Variants in MSRB3 observed in about 807,000 individuals in gnomAD.
MSRB3 encodes the protein methionine-R-sulfoxide reductase B3.
MSRB3 carries 13 observed loss-of-function variants against 21.0 expected under a neutral mutation model. The observed-to-expected ratio is 0.62, with a 90% CI of 0.40 to 0.98. MSRB3 has a LOEUF of 0.98. Among genes scored for constraint, MSRB3 ranks in the 50% least tolerant of loss-of-function variants. MSRB3 has a pLI of 0.00. For synonymous variants in MSRB3, 87 were observed against 88.6 expected (o/e 0.98, Z 0.10); for missense variants, 199 against 230.3 (o/e 0.86, Z 0.88).
At chr12:65,425,945 C>T (rs1051146645) in intron 5 of MSRB3, among the ~76,000 whole-genome samples, 3 of 152,156 alleles carry the variant, frequency 2.0e-5, no homozygotes, top group Non-Finnish European at 4.4e-5. Flanking sequence ...AAACCTCCAC[C>T]TCCCAGGTTC....
rs536233716 is a variant in MSRB3 at position 65,322,163 on chromosome 12, G to T, written c.77-4663G>T. On this transcript the variant is annotated intron_variant, in intron 2 of 6. Transcript: ENST00000308259. ...CATAGACTTTGTGAGAATCCTGTAT[G>T]AAACTTGTCACTGACCCTATGTTGA... is the stretch of plus-strand genomic sequence containing the variant. 6.6e-5 allele frequency among the ~76,000 whole-genome samples: 10 copies of T among 152,274 alleles called. No homozygotes were observed. In the East Asian group the frequency reaches 1.9e-3, roughly 29 times the overall value.
chr12:65,392,449 C>G (rs1428086877), intron 5 of MSRB3, among the ~76,000 whole-genome samples: 2 of 152,146 alleles, frequency 1.3e-5, no homozygotes, highest in East Asian at 3.8e-4. Flanking sequence ...TAGCTCTAAT[C>G]CCATATATTA....
Position 65,465,155 on chromosome 12 carries a change from G to C in MSRB3, c.*1833G>C, listed in dbSNP as rs1236827835. On this transcript the variant is annotated 3_prime_UTR_variant, in exon 7 of 7. Coordinates refer to ENST00000308259, the MANE Select transcript of MSRB3 (RefSeq NM_001031679.3). ...CCAGAATTTCCCTTTGTAGCAACAC[G>C]GCTAGTTTTACTTTGAGAAGCTCTG... The C allele has an allele frequency of 6.6e-6, 1 of 152,148 alleles. No homozygotes were observed. The highest frequency in any genetic ancestry group is 6.5e-5 in the Admixed American group (1 of 15,276). 9.4% of individuals were successfully genotyped at this position (152,148 alleles called of 1,614,324 possible).
intron 5 of MSRB3, among the ~76,000 whole-genome samples, chr12:65,427,141 A>G (rs1355442904): frequency 6.6e-6 from 1 of 152,026 alleles, no homozygotes; most frequent in Non-Finnish European, 1.5e-5. Flanking sequence ...ATCTTTGCAC[A>G]TTTGGTGGAA....
chr12:65,411,847 A>G (rs1170534187), intron 5 of MSRB3, among the ~76,000 whole-genome samples: 2 of 150,550 alleles, frequency 1.3e-5, no homozygotes, highest in Non-Finnish European at 3.0e-5. Context: ...ATTTAGATTT[A>G]TATGTATATA....
At chr12:65,358,155 T>C (rs1451970418) in intron 4 of MSRB3, among the ~76,000 whole-genome samples, 1 of 151,954 alleles carries the variant, frequency 6.6e-6, no homozygotes, top group Non-Finnish European at 1.5e-5. Flanking sequence ...TATTACTCTG[T>C]CACTCAGACT....
rs139798390 is a variant in MSRB3, at chr12:65,425,718, T to C, written c.293-28010T>C. ...TTTTTGTATATCCCTCAGCAAATTA[T>C]TGTAGCTATTATTTTTAATAGTTTT... is the stretch of plus-strand genomic sequence containing the variant. On this transcript the variant is annotated intron_variant, in intron 5 of 6. Coordinates refer to ENST00000308259, the MANE Select transcript of MSRB3 (RefSeq NM_001031679.3). 8.8e-3 allele frequency among the ~76,000 whole-genome samples: 1,337 copies of C among 152,266 alleles called. 22 individuals carry two copies. Among genetic ancestry groups the C allele is most frequent in the African/African-American group, 0.03 (1,264 of 41,556 alleles).
intron 5 of MSRB3, among the ~76,000 whole-genome samples, chr12:65,450,309 A>G (rs1456403627): frequency 2.0e-5 from 3 of 152,186 alleles, no homozygotes; most frequent in African/African-American, 7.2e-5. Flanking sequence ...TTGAGGCAGA[A>G]CAGCCATATT....
chr12:65,299,335 T>G (rs1873171729), intron 1 of MSRB3, among the ~76,000 whole-genome samples: 1 of 152,200 alleles, frequency 6.6e-6, no homozygotes, highest in Non-Finnish European at 1.5e-5. Context: ...AGTAGAAGTT[T>G]CCCTTTCATA....
intron 2 of MSRB3, among the ~76,000 whole-genome samples, chr12:65,319,536 C>T (rs1394835606): frequency 1.3e-4 from 20 of 152,200 alleles, no homozygotes. Flanking sequence ...TTTGCACATA[C>T]CTTTACTGTA....
At chr12:65,449,003 T>C (rs1159531772) in intron 5 of MSRB3, among the ~76,000 whole-genome samples, 2 of 152,148 alleles carry the variant, frequency 1.3e-5, no homozygotes, top group Non-Finnish European at 2.9e-5. Flanking sequence ...AGATAGACTT[T>C]ATACCTGAAG....
chr12:65,282,688 T>C (rs1872105057), intron 1 of MSRB3, among the ~76,000 whole-genome samples: 1 of 151,208 alleles, frequency 6.6e-6, no homozygotes, highest in East Asian at 1.9e-4. Context: ...TTTTTTTTTT[T>C]TTTTTCTCTT....
At chr12:65,280,544 T>C (rs1432924019) in intron 1 of MSRB3, among the ~76,000 whole-genome samples, 1 of 152,176 alleles carries the variant, frequency 6.6e-6, no homozygotes, top group African/African-American at 2.4e-5. Context: ...GAACATCAAG[T>C]TTATATTTGG....
intron 4 of MSRB3, among the ~76,000 whole-genome samples, chr12:65,366,539 G>A (rs1311410679): frequency 6.6e-6 from 1 of 152,126 alleles, no homozygotes; most frequent in Non-Finnish European, 1.5e-5. Context: ...CATTGGTTAT[G>A]AGGTTATTCA....
chr12:65,442,480 C>A (rs1427275548), intron 5 of MSRB3, among the ~76,000 whole-genome samples: 2 of 151,962 alleles, frequency 1.3e-5, no homozygotes, highest in Admixed American at 6.6e-5. Flanking sequence ...GGAGTAGAAT[C>A]TGTATTTCTT....
chr12:65,437,701 C>T (rs1882183770), intron 5 of MSRB3, among the ~76,000 whole-genome samples: 1 of 149,076 alleles, frequency 6.7e-6, no homozygotes, highest in African/African-American at 2.5e-5. Context: ...ATCCCTTTTG[C>T]CAGGGCAGAA....
chr12:65,337,293 G>A, intron 4 of MSRB3, among the ~76,000 whole-genome samples: 1 of 151,458 alleles, frequency 6.6e-6, no homozygotes, highest in Admixed American at 6.6e-5. Context: ...AATCAGCTGG[G>A]CATGGTGATG....
chr12:65,313,383 A>T (rs745311164), intron 2 of MSRB3, among the ~76,000 whole-genome samples: 4 of 152,164 alleles, frequency 2.6e-5, no homozygotes, highest in African/African-American at 9.7e-5. Flanking sequence ...CACTTACTGA[A>T]TGCATTGACT....
At chr12:65,403,300 G>T (rs995757714) in intron 5 of MSRB3, among the ~76,000 whole-genome samples, 1 of 152,212 alleles carries the variant, frequency 6.6e-6, no homozygotes. Context: ...GAGATTCCCT[G>T]CCCAGAGAGG....
Sources: allele counts gnomAD v4.1 joint callset (sites outside exome capture counted in the v4.1 genomes callset), GRCh38; gene constraint gnomAD v4.1.1; transcripts MANE v1.5; gene names NCBI Gene and HGNC (gene_info 2026-07-23, HGNC 2026-07-21).